Variants in EYA4 observed in about 807,000 individuals in gnomAD.
The protein encoded by EYA4 is protein phosphatase EYA4.
A neutral mutation model predicts 87.9 loss-of-function variants in EYA4; 31 were observed. That is an observed-to-expected ratio of 0.35 (90% CI 0.27 to 0.48). EYA4 has a LOEUF of 0.48. Ranked by LOEUF, EYA4 falls within the 20% of genes least tolerant of loss-of-function variation. EYA4 has a pLI of 0.99. For missense variants in EYA4, 678 were observed against 761.4 expected, an observed-to-expected ratio of 0.89 and a Z score of 1.29; for synonymous variants, 263 against 270.6, an observed-to-expected ratio of 0.97 and a Z score of 0.28.
chr6:133,439,337 T>A (rs1443692573), intron 3 of EYA4: 1 of 152,194 alleles, frequency 6.6e-6, no homozygotes, highest in Non-Finnish European at 1.5e-5. Context: ...CATGCTTGAT[T>A]TCACAGCTGT....
At chr6:133,398,507 G>A (rs970112446) in intron 3 of EYA4, among the ~76,000 whole-genome samples, 1 of 152,014 alleles carries the variant, frequency 6.6e-6, no homozygotes, top group Non-Finnish European at 1.5e-5. Context: ...TTTTTCAGCT[G>A]CTATTTTTTT....
intron 2 of EYA4, among the ~76,000 whole-genome samples, chr6:133,371,166 A>G (rs937173413): frequency 2.6e-5 from 4 of 152,186 alleles, no homozygotes; most frequent in African/African-American, 9.6e-5. Flanking sequence ...TGTTGGGACT[A>G]TTTTATTCTT....
At chr6:133,299,297 A>G (rs951394060) in intron 2 of EYA4, among the ~76,000 whole-genome samples, 3 of 152,194 alleles carry the variant, frequency 2.0e-5, no homozygotes, top group Admixed American at 2.0e-4. Flanking sequence ...CCATAATATG[A>G]AGAAATTTAA....
intron 3 of EYA4, among the ~76,000 whole-genome samples, chr6:133,385,189 C>T (rs1014484999): frequency 1.4e-4 from 21 of 150,710 alleles, no homozygotes; most frequent in Non-Finnish European, 2.4e-4. Context: ...GTCCCAGCTA[C>T]TTGGGAGGCT....
rs1562257687 is a variant in EYA4 at position 133,294,057 on chromosome 6, ATATAT to A, written c.33+19245_33+19249del. Among the ~76,000 whole-genome samples the A allele has an allele frequency of 7.5e-5, 8 of 106,924 alleles. 1 individual carries two copies. Among genetic ancestry groups the A allele is most frequent in the African/African-American group, 2.5e-4 (7 of 28,160 alleles). 70.1% of individuals were successfully genotyped at this position (106,924 alleles called of 152,430 possible). On this transcript the variant is annotated intron_variant, in intron 2 of 19. Coordinates refer to ENST00000355286, the MANE Select transcript of EYA4 (RefSeq NM_004100.5). ...TATATATATATATATATATATATAT[ATATAT>A]AATTCTATTCTATATATAACATTCT...
chr6:133,352,750 G>A (rs1208695387), intron 2 of EYA4, among the ~76,000 whole-genome samples: 1 of 152,186 alleles, frequency 6.6e-6, no homozygotes, highest in Non-Finnish European at 1.5e-5. Flanking sequence ...GGCCAGAATT[G>A]TAGCTGGATT....
chr6:133,411,046 C>T (rs1190330334), intron 3 of EYA4, among the ~76,000 whole-genome samples: 1 of 137,372 alleles, frequency 7.3e-6, no homozygotes. Context: ...ACAGAGGGGG[C>T]TATGTGCTTG....
chr6:133,373,990 A>G (rs1302540693), intron 2 of EYA4, among the ~76,000 whole-genome samples: 1 of 152,090 alleles, frequency 6.6e-6, no homozygotes, highest in Admixed American at 6.6e-5. Flanking sequence ...ATGAAAAAAT[A>G]TACCATTAGA....
chr6:133,309,668 T>C (rs1018863317), intron 2 of EYA4, among the ~76,000 whole-genome samples: 4 of 152,212 alleles, frequency 2.6e-5, no homozygotes, highest in Non-Finnish European at 4.4e-5. Context: ...GATAATGTAC[T>C]AACATGCCAA....
intron 17 of EYA4, among the ~76,000 whole-genome samples, chr6:133,519,558 C>T (rs998172618): frequency 6.6e-6 from 1 of 151,374 alleles, no homozygotes; most frequent in Non-Finnish European, 1.5e-5. Context: ...CCGAATTCTA[C>T]CAGAGGTACA....
At chr6:133,337,654 A>G (rs193117847) in intron 2 of EYA4, among the ~76,000 whole-genome samples, 4 of 152,322 alleles carry the variant, frequency 2.6e-5, no homozygotes, top group Non-Finnish European at 5.9e-5. Context: ...ACAAAGTAGC[A>G]CTAATTTGAT....
At chr6:133,255,568 A>C (rs1409229358) in intron 1 of EYA4, among the ~76,000 whole-genome samples, 1 of 152,170 alleles carries the variant, frequency 6.6e-6, no homozygotes, top group African/African-American at 2.4e-5. Flanking sequence ...GCAAATCAGG[A>C]TAAGTTGTTA....
intron 1 of EYA4, among the ~76,000 whole-genome samples, chr6:133,253,862 G>T (rs1397315008): frequency 6.6e-6 from 1 of 152,074 alleles, no homozygotes; most frequent in East Asian, 1.9e-4. Context: ...TCACAGAGGG[G>T]AGAGATCATA....
At chr6:133,246,578 G>A (rs916625055) in intron 1 of EYA4, among the ~76,000 whole-genome samples, 1 of 151,772 alleles carries the variant, frequency 6.6e-6, no homozygotes, top group African/African-American at 2.4e-5. Flanking sequence ...GTATCACCAA[G>A]GCATATATTA....
intron 2 of EYA4, among the ~76,000 whole-genome samples, chr6:133,355,651 A>T (rs1247205162): frequency 6.6e-6 from 1 of 152,216 alleles, no homozygotes; most frequent in Non-Finnish European, 1.5e-5. Context: ...ATTGATTGCT[A>T]TATAAGTACC....
At chr6:133,250,382 T>G (rs1582743294) in intron 1 of EYA4, among the ~76,000 whole-genome samples, 2 of 152,006 alleles carry the variant, frequency 1.3e-5, no homozygotes, top group East Asian at 3.9e-4. Context: ...TGGCTCACAC[T>G]TGTAATCCCA....
intron 2 of EYA4, among the ~76,000 whole-genome samples, chr6:133,300,257 G>A (rs1779291900): frequency 6.6e-6 from 1 of 151,842 alleles, no homozygotes; most frequent in Non-Finnish European, 1.5e-5. Flanking sequence ...TCTCGGGGAT[G>A]GCAGAGATGA....
At chr6:133,300,741 A>T (rs1452438674) in intron 2 of EYA4, among the ~76,000 whole-genome samples, 2 of 151,948 alleles carry the variant, frequency 1.3e-5, no homozygotes, top group Non-Finnish European at 2.9e-5. Context: ...ATGTATTATA[A>T]CTTTGTTTCT....
At chr6:133,296,440 G>A (rs1301956853) in intron 2 of EYA4, among the ~76,000 whole-genome samples, 2 of 152,204 alleles carry the variant, frequency 1.3e-5, no homozygotes, top group African/African-American at 2.4e-5. Context: ...TTGGGAGGCT[G>A]TTGCAGTAGT....
Sources: allele counts gnomAD v4.1 joint callset (sites outside exome capture counted in the v4.1 genomes callset), GRCh38; gene constraint gnomAD v4.1.1; transcripts MANE v1.5; gene names NCBI Gene and HGNC (gene_info 2026-07-23, HGNC 2026-07-21).